SLC4A10: variants seen among roughly 807,000 people sequenced by gnomAD.
SLC4A10 encodes the protein sodium-driven chloride bicarbonate exchanger.
SLC4A10 carries 42 observed loss-of-function variants against 137.7 expected under a neutral mutation model. That is an observed-to-expected ratio of 0.30 (90% CI 0.24 to 0.39). The LOEUF (loss-of-function observed/expected upper bound fraction) is 0.39, where lower values mean the gene tolerates loss of function less well. Ranked by LOEUF, SLC4A10 falls within the 10% of genes least tolerant of loss-of-function variation. SLC4A10 has a pLI of 1.00. For missense variants in SLC4A10, 925 were observed against 1,355.0 expected (o/e 0.68, Z 4.98); for synonymous variants, 474 against 464.1 (o/e 1.02, Z -0.27).
chr2:161,803,813 A>G (rs979245694), intron 2 of SLC4A10, among the ~76,000 whole-genome samples: 3 of 152,136 alleles, frequency 2.0e-5, no homozygotes. Context: ...TTTTTCCTTT[A>G]CATACATACC....
intron 1 of SLC4A10, among the ~76,000 whole-genome samples, chr2:161,760,377 T>C (rs1003963476): frequency 6.6e-6 from 1 of 152,050 alleles, no homozygotes; most frequent in African/African-American, 2.4e-5. Flanking sequence ...TATATACAAA[T>C]ACATATATAC....
chr2:161,677,968 C>G (rs1279628412), intron 1 of SLC4A10, among the ~76,000 whole-genome samples: 2 of 152,162 alleles, frequency 1.3e-5, no homozygotes, highest in Non-Finnish European at 2.9e-5. Flanking sequence ...TTCCTTTCTT[C>G]AGCTACCATG....
In SLC4A10 at chr2:161,692,057, T is replaced by C. The variant is rs550729429; in HGVS notation, c.48+67491T>C. 1.3e-4 allele frequency among the ~76,000 whole-genome samples: 20 copies of C among 151,972 alleles called. No homozygotes were observed. The East Asian group carries it at 2.9e-3, about 22-fold the overall frequency. On this transcript the variant is annotated intron_variant, in intron 1 of 26. Transcript: ENST00000446997. Reference sequence around the variant, plus strand: ...GATTAGTCATGTAGTTTGAGAGAAGTTGGGGAAAATTTTATTTAGGAGATA... The same window carrying C: ...GATTAGTCATGTAGTTTGAGAGAAGCTGGGGAAAATTTTATTTAGGAGATA...
At chr2:161,906,444 A>G (rs756790456) in intron 15 of SLC4A10, among the ~76,000 whole-genome samples, 2 of 152,228 alleles carry the variant, frequency 1.3e-5, no homozygotes, top group African/African-American at 4.8e-5. Context: ...TTGATGTTAC[A>G]GTCCGGGATT....
chr2:161,703,486 A>T (rs776034785), intron 1 of SLC4A10, among the ~76,000 whole-genome samples: 2 of 151,822 alleles, frequency 1.3e-5, no homozygotes, highest in Admixed American at 6.6e-5. Flanking sequence ...ATCTCTGTAT[A>T]ATGAAATTTT....
chr2:161,818,504 C>T (rs1002018492), intron 3 of SLC4A10, among the ~76,000 whole-genome samples: 7 of 152,272 alleles, frequency 4.6e-5, no homozygotes, highest in African/African-American at 1.7e-4. Context: ...GCCAGAACTT[C>T]CAACACTATG....
At chr2:161,844,112 A>T (rs566277835) in intron 4 of SLC4A10, among the ~76,000 whole-genome samples, 1 of 152,256 alleles carries the variant, frequency 6.6e-6, no homozygotes, top group Middle Eastern at 3.4e-3. Flanking sequence ...TGGCGACAAC[A>T]TGTTTGACTC....
intron 4 of SLC4A10, among the ~76,000 whole-genome samples, chr2:161,844,423 C>T (rs534134203): frequency 1.3e-5 from 2 of 152,172 alleles, no homozygotes; most frequent in South Asian, 4.1e-4. Context: ...CTTAAGATGA[C>T]TATAGGTATT....
At chr2:161,809,496 A>C (rs904592654) in intron 3 of SLC4A10, among the ~76,000 whole-genome samples, 2 of 152,002 alleles carry the variant, frequency 1.3e-5, no homozygotes, top group South Asian at 2.1e-4. Flanking sequence ...TTCTAGAATT[A>C]TTATAACTTA....
intron 5 of SLC4A10, among the ~76,000 whole-genome samples, chr2:161,861,080 T>A (rs2060407706): frequency 6.6e-6 from 1 of 152,190 alleles, no homozygotes; most frequent in Non-Finnish European, 1.5e-5. Flanking sequence ...GTGACAGAGA[T>A]CATATGGCCT....
intron 3 of SLC4A10, among the ~76,000 whole-genome samples, chr2:161,809,816 C>G (rs1261483091): frequency 6.6e-6 from 1 of 151,986 alleles, no homozygotes; most frequent in African/African-American, 2.4e-5. Flanking sequence ...AATATGATGC[C>G]TCTGACTTTG....
intron 1 of SLC4A10, among the ~76,000 whole-genome samples, chr2:161,743,849 T>C (rs2048156138): frequency 6.6e-6 from 1 of 152,174 alleles, no homozygotes; most frequent in African/African-American, 2.4e-5. Context: ...TAGAAATCTT[T>C]TACCTCTTTG....
chr2:161,889,219 C>T (rs1339314854), intron 10 of SLC4A10, among the ~76,000 whole-genome samples: 1 of 152,156 alleles, frequency 6.6e-6, no homozygotes, highest in African/African-American at 2.4e-5. Context: ...CATCAATGTT[C>T]ATCAGGGATA....
intron 1 of SLC4A10, among the ~76,000 whole-genome samples, chr2:161,767,551 T>G (rs1426346046): frequency 6.6e-6 from 1 of 151,856 alleles, no homozygotes; most frequent in Non-Finnish European, 1.5e-5. Flanking sequence ...CTTGCTATAC[T>G]CTGCTCTTAT....
Position 161,830,174 on chromosome 2 carries a change from A to T in SLC4A10, c.278-9615A>T, listed in dbSNP as rs77020567. On this transcript the variant is annotated intron_variant, in intron 3 of 26. Coordinates refer to ENST00000446997, the MANE Select transcript of SLC4A10 (RefSeq NM_001178015.2). ...TAGGAACTAAAGCAAAAAAAAAAAA[A>T]AAATAACAACAACCAGGGCAGTTTT... 9.3e-5 allele frequency among the ~76,000 whole-genome samples: 14 copies of T among 150,718 alleles called. No homozygotes were observed. The East Asian group carries it at 9.9e-4, about 11-fold the overall frequency.
At chr2:161,971,208 C>T (rs79493199) in intron 23 of SLC4A10, among the ~76,000 whole-genome samples, 4,361 of 152,340 alleles carry the variant, frequency 0.029, 98 homozygotes, top group African/African-American at 0.062. Context: ...ATAATACATG[C>T]TCAATAAATA....
chr2:161,822,151 A>G (rs1401473777), intron 3 of SLC4A10, among the ~76,000 whole-genome samples: 1 of 152,206 alleles, frequency 6.6e-6, no homozygotes, highest in East Asian at 1.9e-4. Context: ...CTCATGCTTT[A>G]TAAAAGGAAA....
intron 1 of SLC4A10, among the ~76,000 whole-genome samples, chr2:161,720,252 A>G (rs2045490567): frequency 6.6e-6 from 1 of 152,078 alleles, no homozygotes; most frequent in Non-Finnish European, 1.5e-5. Context: ...CCATTGATCT[A>G]TATCTCTGTT....
intron 1 of SLC4A10, among the ~76,000 whole-genome samples, chr2:161,681,390 C>T (rs2040834346): frequency 6.6e-6 from 1 of 152,136 alleles, no homozygotes; most frequent in South Asian, 2.1e-4. Context: ...AGATGAGGAT[C>T]TGAGGACAGA....
Sources: gnomAD v4.1 joint callset for allele counts (sites outside exome capture counted in the v4.1 genomes callset) on GRCh38, gnomAD v4.1.1 for gene constraint, MANE v1.5 for transcripts, NCBI Gene and HGNC (gene_info 2026-07-23, HGNC 2026-07-21) for gene names.